FARP2: variants seen among roughly 807,000 people sequenced by gnomAD.
The protein encoded by FARP2 is FERM, ARH/RhoGEF and pleckstrin domain protein 2.
FARP2 carries 111 observed loss-of-function variants against 130.5 expected under a neutral mutation model. The observed-to-expected ratio is 0.85, with a 90% CI of 0.73 to 1.00. FARP2 has a LOEUF of 1.00. FARP2 is among the 50% of genes least tolerant of loss of function. The pLI, the probability that FARP2 is intolerant of heterozygous loss-of-function variation, is 0.00. For synonymous variants in FARP2, 504 were observed against 516.9 expected (o/e 0.98, Z 0.34); for missense variants, 1,385 against 1,346.3 (o/e 1.03, Z -0.45).
At chr2:241,444,530 G>A (rs2063467051) in intron 13 of FARP2, 1 of 152,220 alleles carries the variant, frequency 6.6e-6, no homozygotes, top group African/African-American at 2.4e-5. Flanking sequence ...AGGTTTGGGT[G>A]GTTTTGAGCT....
chr2:241,462,724 C>G, intron 15 of FARP2, 112 bp downstream of exon 15: 1 of 717,050 alleles, frequency 1.4e-6, no homozygotes, highest in African/African-American at 1.8e-5. Context: ...GAGCCTCACT[C>G]TGTCACCCAG....
At chr2:241,404,870 CTGTT>C (rs1421152312) in intron 4 of FARP2, 29 bp downstream of exon 4, 9 of 1,568,310 alleles carry the variant, frequency 5.7e-6, no homozygotes, top group Admixed American at 1.7e-5. Flanking sequence ...TCTTTAAAAT[CTGTT>C]TGTTTAAGAT....
intron 21 of FARP2, 117 bp downstream of exon 21, chr2:241,484,448 G>A: frequency 1.3e-6 from 1 of 781,336 alleles, no homozygotes; most frequent in South Asian, 1.5e-5. Flanking sequence ...CACCTGCTGA[G>A]TATTTGGCCG....
At chr2:241,474,801 T>TAATAAATA (rs56306612) in intron 18 of FARP2, among the ~76,000 whole-genome samples, 22,776 of 140,128 alleles carry the variant, frequency 0.16, 2,069 homozygotes, top group East Asian at 0.28. Flanking sequence ...CTAATAATAA[T>TAATAAATA]AATAAATAAA....
intron 4 of FARP2, chr2:241,405,130 T>C (rs1015832222): frequency 1.6e-5 from 4 of 252,128 alleles, no homozygotes; most frequent in Non-Finnish European, 2.3e-5. Flanking sequence ...CCCTTGATTA[T>C]GAAAAGACAT....
intron 17 of FARP2, among the ~76,000 whole-genome samples, chr2:241,464,889 A>G (rs1396707588): frequency 6.6e-6 from 1 of 151,996 alleles, no homozygotes; most frequent in Non-Finnish European, 1.5e-5. Context: ...CCAGGGCCCC[A>G]TCAGGACACT....
At chr2:241,492,816 C>G (rs1244421891) in intron 24 of FARP2, 113 bp from the exon 25 acceptor site, 1 of 665,726 alleles carries the variant, frequency 1.5e-6, no homozygotes, top group African/African-American at 1.8e-5. Flanking sequence ...AGAGGTAAAA[C>G]CAAGGCCTCA....
chr2:241,422,164 C>T (rs2062824688), intron 8 of FARP2, among the ~76,000 whole-genome samples: 2 of 148,280 alleles, frequency 1.3e-5, no homozygotes, highest in Non-Finnish European at 3.0e-5. Flanking sequence ...ACCTGTAATC[C>T]CAGCACTGTG....
intron 22 of FARP2, 72 bp from the exon 23 acceptor site, chr2:241,490,989 C>G (rs1158839269): frequency 5.1e-6 from 6 of 1,172,708 alleles, no homozygotes; most frequent in Non-Finnish European, 7.7e-6. Context: ...CCTGACGGCT[C>G]GCCCTCCCTT....
intron 19 of FARP2, 148 bp downstream of exon 19, chr2:241,476,135 G>T: frequency 1.6e-6 from 1 of 635,038 alleles, no homozygotes; most frequent in Non-Finnish European, 2.6e-6. Context: ...TACTTTGGGA[G>T]GCTGAGGTGG....
At chr2:241,409,074 A>AGATAGATAGATAGATT (rs1302294054) in intron 5 of FARP2, among the ~76,000 whole-genome samples, 1 of 152,022 alleles carries the variant, frequency 6.6e-6, no homozygotes, top group Non-Finnish European at 1.5e-5. Flanking sequence ...ATAGATAGAT[A>AGATAGATAGATAGATT]GATACCTGAA....
intron 8 of FARP2, among the ~76,000 whole-genome samples, chr2:241,431,342 T>G (rs2063084836): frequency 6.6e-6 from 1 of 151,340 alleles, no homozygotes; most frequent in Non-Finnish European, 1.5e-5. Flanking sequence ...AAGAGTGGTG[T>G]CTGGTGTCTG....
intron 19 of FARP2, among the ~76,000 whole-genome samples, chr2:241,476,329 G>A (rs1056628931): frequency 2.6e-5 from 4 of 151,892 alleles, no homozygotes; most frequent in East Asian, 1.9e-4. Context: ...CGAGGCTGGA[G>A]TAAGCCCTGA....
chr2:241,425,675 C>T (rs2062918372), intron 8 of FARP2, among the ~76,000 whole-genome samples: 1 of 142,840 alleles, frequency 7.0e-6, no homozygotes, highest in Non-Finnish European at 1.5e-5. Context: ...AGCCCAGGAC[C>T]AGATGGATTC....
chr2:241,477,062 A>G (rs182618982), intron 19 of FARP2, among the ~76,000 whole-genome samples: 48 of 150,966 alleles, frequency 3.2e-4, no homozygotes, highest in East Asian at 2.1e-3. Flanking sequence ...TCACACATTA[A>G]TGTGGCCTCT....
rs539170177 is a variant in FARP2 at position 241,490,992 on chromosome 2, C to T, written c.2505-69C>T. 1.4e-5 allele frequency: 17 copies of T among 1,228,164 alleles called. No individual in the cohort carries two copies. In the African/African-American group the frequency reaches 1.6e-4, roughly 12 times the overall value. The allele number at this position is 1,228,164 out of a possible 1,614,324, so 76.1% of individuals were successfully genotyped here. On this transcript the variant is annotated intron_variant, in intron 22 of 26. Transcript: ENST00000264042. ...GAGAACAGGTGCCCTGACGGCTCGCCCTCCCTTGAGGGCTGGGGCCCTACA... is the reference window on the plus strand; with the variant it reads ...GAGAACAGGTGCCCTGACGGCTCGCTCTCCCTTGAGGGCTGGGGCCCTACA...
At chr2:241,479,393 G>T (rs740313) in intron 19 of FARP2, among the ~76,000 whole-genome samples, 57,029 of 152,146 alleles carry the variant, frequency 0.37, 10,958 homozygotes, top group Admixed American at 0.52. Flanking sequence ...CCGTGGCCTC[G>T]GGTCTGGCTG....
intron 13 of FARP2, among the ~76,000 whole-genome samples, chr2:241,453,375 C>CT (rs1310019920): frequency 6.6e-5 from 10 of 151,828 alleles, no homozygotes; most frequent in African/African-American, 2.2e-4. Flanking sequence ...GTAATCCCAG[C>CT]ACTTTGGGAG....
chr2:241,369,130 A>G (rs2061373595), intron 1 of FARP2, among the ~76,000 whole-genome samples: 1 of 152,090 alleles, frequency 6.6e-6, no homozygotes, highest in Admixed American at 6.5e-5. Flanking sequence ...CTGCTTGGAA[A>G]GTGTGCAAAC....
Sources: allele counts gnomAD v4.1 joint callset (sites outside exome capture counted in the v4.1 genomes callset), GRCh38; gene constraint gnomAD v4.1.1; transcripts MANE v1.5; gene names NCBI Gene and HGNC (gene_info 2026-07-23, HGNC 2026-07-21).